BICRAL: variants seen among roughly 807,000 people sequenced by gnomAD.
The protein encoded by BICRAL is BICRA like chromatin remodeling complex associated protein.
Under a neutral mutation model 91.8 loss-of-function variants are expected in BICRAL, and 8 were observed. The observed-to-expected ratio is 0.09, with a 90% CI of 0.05 to 0.16. The LOEUF is 0.16. BICRAL is among the 10% of genes least tolerant of loss of function. The probability of loss-of-function intolerance (pLI) is 1.00; values close to 1 mark genes in which losing one functional copy is unlikely to be tolerated. For missense variants in BICRAL, 1,038 were observed against 1,310.9 expected, an observed-to-expected ratio of 0.79 and a Z score of 3.21; for synonymous variants, 445 against 491.1, an observed-to-expected ratio of 0.91 and a Z score of 1.24.
At position 42,857,622 on chromosome 6, in the gene BICRAL, T is replaced by A. The variant is rs1484905519; in HGVS notation, c.2254+386T>A. On this transcript the variant is annotated intron_variant, in intron 10 of 12. Coordinates refer to ENST00000314073, the MANE Select transcript of BICRAL (RefSeq NM_001393499.1). Reference sequence around the variant, plus strand: ...TCTTAAAAAAAAAAAAAAATATATATATATATATATATATTTTTTAGGAGG... The same window carrying A: ...TCTTAAAAAAAAAAAAAAATATATAAATATATATATATATTTTTTAGGAGG... Among the ~76,000 whole-genome samples, 146 of 112,432 alleles carry A rather than the reference T, an allele frequency of 1.3e-3. 1 individual carries two copies. Among genetic ancestry groups the A allele is most frequent in the African/African-American group, 5.5e-3 (130 of 23,728 alleles). 73.8% of individuals were successfully genotyped at this position (112,432 alleles called of 152,430 possible). A position where few individuals can be genotyped will look rare whatever the true frequency, so the allele number is the denominator to read the frequency against.
intron 1 of BICRAL, among the ~76,000 whole-genome samples, chr6:42,749,048 T>G (rs2152017825): frequency 6.6e-6 from 1 of 152,336 alleles, no homozygotes; most frequent in Middle Eastern, 3.4e-3. Flanking sequence ...TGAATCAAGG[T>G]ACTGCTCTCT....
intron 1 of BICRAL, among the ~76,000 whole-genome samples, chr6:42,766,527 G>C (rs559253092): frequency 6.6e-6 from 1 of 152,308 alleles, no homozygotes; most frequent in South Asian, 2.1e-4. Flanking sequence ...TAATGTGCTT[G>C]TGAGTCATAA....
rs1765707966 is a variant in BICRAL at position 42,866,216 on chromosome 6, AT to A, written c.*771del. 3 of 152,458 alleles carry A rather than the reference AT, an allele frequency of 2.0e-5. No individual in the cohort carries two copies. The South Asian group carries it at 6.2e-4, about 32-fold the overall frequency. 9.4% of individuals were successfully genotyped at this position (152,458 alleles called of 1,614,324 possible). On this transcript the variant is annotated 3_prime_UTR_variant, in exon 13 of 13. Transcript: ENST00000314073. ...CTTAGTTACAGCAGCAAAATTTGAA[AT>A]AATTTCACCAGGCTAAATAAAGGAA...
intron 1 of BICRAL, among the ~76,000 whole-genome samples, chr6:42,801,249 TAA>T (rs386406867): frequency 1.3e-4 from 17 of 134,452 alleles, no homozygotes; most frequent in Admixed American, 3.1e-4. Context: ...AGACTCTGTT[TAA>T]AAAAAAAAAA....
intron 6 of BICRAL, among the ~76,000 whole-genome samples, chr6:42,843,823 C>T (rs777514843): frequency 8.8e-4 from 120 of 135,716 alleles, no homozygotes; most frequent in Admixed American, 6.0e-3. Flanking sequence ...TTTTTTGAGA[C>T]GGAGTCTCAC....
chr6:42,815,984 CAAAAA>C (rs746928245), intron 2 of BICRAL, among the ~76,000 whole-genome samples: 9 of 39,244 alleles, frequency 2.3e-4, no homozygotes, highest in African/African-American at 8.8e-4. Flanking sequence ...AACTCTGTCT[CAAAAA>C]AAAAAAAAAA....
chr6:42,790,330 A>ATTTTTTT (rs70990136), intron 1 of BICRAL, among the ~76,000 whole-genome samples: 21 of 87,824 alleles, frequency 2.4e-4, no homozygotes, highest in South Asian at 4.2e-4. Context: ...AGATAATTTA[A>ATTTTTTT]TTTTTTTTTT....
intron 1 of BICRAL, among the ~76,000 whole-genome samples, chr6:42,790,523 A>ACCC (rs70990137): frequency 2.9e-5 from 4 of 137,306 alleles, no homozygotes; most frequent in African/African-American, 1.1e-4. Context: ...AGTATGTAGC[A>ACCC]CCCCCCCCCC....
rs1765734753 is a variant in BICRAL at position 42,867,190 on chromosome 6, A to G, written c.*1744A>G. On this transcript the variant is annotated 3_prime_UTR_variant, in exon 13 of 13. Coordinates refer to ENST00000314073, the MANE Select transcript of BICRAL (RefSeq NM_001393499.1). ...CCTGTGATGGAAAGGAAGGCTTCTA[A>G]TTAGAAAACACAGCAACAGAAGACC... 4.7e-6 allele frequency: 1 copy of G among 212,628 alleles called. No individual in the cohort carries two copies. The highest frequency in any genetic ancestry group is 9.6e-6 in the Non-Finnish European group (1 of 103,804). The allele number at this position is 212,628 out of a possible 1,614,324, so 13.2% of individuals were successfully genotyped here.
chr6:42,748,696 C>T (rs12210447), intron 1 of BICRAL, among the ~76,000 whole-genome samples: 18,130 of 152,176 alleles, frequency 0.12, 1,154 homozygotes, highest in Admixed American at 0.16. Context: ...GTGAGTGATA[C>T]GGTCATTGTG....
intron 6 of BICRAL, 93 bp downstream of exon 6, chr6:42,830,265 C>A (rs1182150235): frequency 3.6e-6 from 5 of 1,374,856 alleles, no homozygotes; most frequent in African/African-American, 2.9e-5. Flanking sequence ...CCTAGGCATC[C>A]AATTTCTTAA....
chr6:42,804,207 A>G (rs1582831281), intron 1 of BICRAL, among the ~76,000 whole-genome samples: 1 of 152,290 alleles, frequency 6.6e-6, no homozygotes, highest in East Asian at 1.9e-4. Flanking sequence ...TTTTTAGTAG[A>G]GACAAGGTTT....
At chr6:42,830,364 G>A (rs571399476) in intron 6 of BICRAL, among the ~76,000 whole-genome samples, 192 bp downstream of exon 6, 10 of 152,170 alleles carry the variant, frequency 6.6e-5, no homozygotes, top group Admixed American at 1.3e-4. Flanking sequence ...CCAGGAGTTC[G>A]AGGCCAGCCT....
At chr6:42,757,880 T>C (rs1762486051) in intron 1 of BICRAL, among the ~76,000 whole-genome samples, 1 of 152,178 alleles carries the variant, frequency 6.6e-6, no homozygotes, top group Non-Finnish European at 1.5e-5. Context: ...TTGTACGTGG[T>C]CTTAGCCAAA....
rs750671253 is a variant in BICRAL, at chr6:42,830,086, C to T, written c.1753C>T (p.His585Tyr). 3 of 1,614,160 alleles carry T rather than the reference C, an allele frequency of 1.9e-6. No individual in the cohort carries two copies. The highest frequency in any genetic ancestry group is 1.6e-4 in the Middle Eastern group (1 of 6,062). ...NRTPVPVSVS[H>Y]RLPVSSSKST... ...GACTCCAGTACCAGTCAGTGTGTCT[C>T]ATCGTCTTCCAGTTTCTTCTTCCAA... The change falls in exon 6 of 13, where the codon CAT (histidine) becomes TAT (tyrosine). Residue 585 changes from histidine to tyrosine, a missense_variant. Physicochemically the swap from His to Tyr is moderately conservative, Grantham distance 83. Transcript: ENST00000314073.
chr6:42,846,378 AAT>A (rs1217191289), intron 6 of BICRAL, among the ~76,000 whole-genome samples: 1 of 148,538 alleles, frequency 6.7e-6, no homozygotes, highest in Non-Finnish European at 1.5e-5. Flanking sequence ...AAAAAAATAA[AAT>A]AAACAATAAG....
Position 42,857,070 on chromosome 6 carries a change from T to A in BICRAL, c.2109-21T>A, listed in dbSNP as rs752776299. The A allele has an allele frequency of 3.4e-5, 54 of 1,593,444 alleles. No individual in the cohort carries two copies. The East Asian group carries it at 1.2e-3, about 35-fold the overall frequency. On this transcript the variant is annotated intron_variant, in intron 9 of 12. Transcript: ENST00000314073. ...TTCCTAACATGACTTTACATTGACA[T>A]TGACCATTTCCCTTGTAAAGCATTC...
chr6:42,849,940 A>G (rs1377862085), intron 6 of BICRAL, among the ~76,000 whole-genome samples: 1 of 151,982 alleles, frequency 6.6e-6, no homozygotes, highest in Non-Finnish European at 1.5e-5. Context: ...GGGAGGCTGA[A>G]GCAAGAGAAT....
chr6:42,855,930 C>T lies in BICRAL; in HGVS notation c.2108+13C>T, dbSNP rs541617672. ...CGAAAGGAGCTTTGTGAGTTACTCT[C>T]GGAAATGACAAATCAATTCTGAACA... On this transcript the variant is annotated intron_variant, in intron 9 of 12. Transcript: ENST00000314073. 12 of 1,607,428 alleles carry T rather than the reference C, an allele frequency of 7.5e-6. No individual in the cohort carries two copies. Among genetic ancestry groups the T allele is most frequent in the Admixed American group, 3.3e-5 (2 of 59,960 alleles).
Sources: gnomAD v4.1 joint callset for allele counts (sites outside exome capture counted in the v4.1 genomes callset) on GRCh38, gnomAD v4.1.1 for gene constraint, MANE v1.5 for transcripts, NCBI Gene and HGNC (gene_info 2026-07-23, HGNC 2026-07-21) for gene names.